The following ADAMTSL1 variants were observed in gnomAD, a reference collection of about 807,000 sequenced individuals.
The protein encoded by ADAMTSL1 is ADAMTS-like protein 1.
ADAMTSL1 carries 126 observed loss-of-function variants against 201.8 expected under a neutral mutation model. The ratio of observed to expected loss-of-function variants is 0.62; its 90% CI spans 0.54 to 0.72. The LOEUF (loss-of-function observed/expected upper bound fraction) is 0.72, where lower values mean the gene tolerates loss of function less well. Ranked by LOEUF, ADAMTSL1 falls within the 30% of genes least tolerant of loss-of-function variation. ADAMTSL1 has a pLI of 0.00. For missense variants in ADAMTSL1, 2,679 were observed against 2,277.8 expected, an observed-to-expected ratio of 1.18 and a Z score of -3.59; for synonymous variants, 1,121 against 903.4, an observed-to-expected ratio of 1.24 and a Z score of -4.32.
At chr9:17,994,265 T>G (rs568753071) in intron 1 of ADAMTSL1, among the ~76,000 whole-genome samples, 100 of 152,288 alleles carry the variant, frequency 6.6e-4, no homozygotes, top group African/African-American at 2.4e-3. Flanking sequence ...GCACAAGGGT[T>G]GAGCTGTCGC....
chr9:18,734,463 A>G (rs1433120263), intron 15 of ADAMTSL1, among the ~76,000 whole-genome samples: 1 of 152,214 alleles, frequency 6.6e-6, no homozygotes, highest in Non-Finnish European at 1.5e-5. Context: ...ACTGGTTAAG[A>G]GAAAATCCAG....
intron 2 of ADAMTSL1, among the ~76,000 whole-genome samples, chr9:18,181,094 T>G (rs1346991138): frequency 1.3e-5 from 2 of 152,172 alleles, no homozygotes; most frequent in Non-Finnish European, 1.5e-5. Flanking sequence ...TGTAGAAAGC[T>G]GAAACTGGAT....
chr9:18,147,026 G>A (rs1003542538), intron 1 of ADAMTSL1, among the ~76,000 whole-genome samples: 1 of 151,990 alleles, frequency 6.6e-6, no homozygotes, highest in African/African-American at 2.4e-5. Context: ...ACAGGTTTTA[G>A]CATAGTTGTT....
intron 23 of ADAMTSL1, among the ~76,000 whole-genome samples, chr9:18,863,477 G>C (rs1827330547): frequency 6.6e-6 from 1 of 152,166 alleles, no homozygotes; most frequent in African/African-American, 2.4e-5. Context: ...TTTTCTTTGG[G>C]AAAATGTACA....
At chr9:18,747,107 T>C (rs1379840614) in intron 15 of ADAMTSL1, among the ~76,000 whole-genome samples, 1 of 152,220 alleles carries the variant, frequency 6.6e-6, no homozygotes. Context: ...GCCACTCAGG[T>C]CTATTAATAC....
chr9:18,182,520 C>T (rs1328225319), intron 2 of ADAMTSL1, among the ~76,000 whole-genome samples: 1 of 152,106 alleles, frequency 6.6e-6, no homozygotes, highest in Non-Finnish European at 1.5e-5. Flanking sequence ...TGTCTTGTGG[C>T]TCTGTTTATA....
rs1025537837 is a variant in ADAMTSL1 at position 18,452,577 on chromosome 9, C to A, written c.208-52252C>A. Among the ~76,000 whole-genome samples the A allele has an allele frequency of 4.6e-5, 7 of 152,180 alleles. No homozygotes were observed. The East Asian group carries it at 1.3e-3, about 29-fold the overall frequency. On this transcript the variant is annotated intron_variant, in intron 2 of 29. Coordinates refer to the ADAMTSL1 transcript ENST00000680146. ...GCATGATTCATCCTAAGTCAAATTT[C>A]TTTCTAGCTACAAGCCTATTAAACT... is the stretch of plus-strand genomic sequence containing the variant.
At chr9:18,591,244 C>A (rs1668503413) in intron 4 of ADAMTSL1, among the ~76,000 whole-genome samples, 1 of 152,126 alleles carries the variant, frequency 6.6e-6, no homozygotes, top group Non-Finnish European at 1.5e-5. Flanking sequence ...CATCCTCTTG[C>A]TGAATTAACT....
intron 2 of ADAMTSL1, among the ~76,000 whole-genome samples, chr9:18,280,162 A>G (rs983272113): frequency 1.3e-5 from 2 of 151,614 alleles, no homozygotes; most frequent in Non-Finnish European, 2.9e-5. Context: ...TGGAAAATGT[A>G]TCTGAGGTGG....
intron 2 of ADAMTSL1, among the ~76,000 whole-genome samples, chr9:18,209,496 CTG>C (rs1234388956): frequency 1.3e-5 from 2 of 152,136 alleles, no homozygotes; most frequent in African/African-American, 4.8e-5. Context: ...TGCCTAAACT[CTG>C]TGTCTAGATT....
intron 1 of ADAMTSL1, among the ~76,000 whole-genome samples, chr9:18,118,888 G>A (rs1157784023): frequency 6.6e-6 from 1 of 152,130 alleles, no homozygotes; most frequent in Non-Finnish European, 1.5e-5. Context: ...ATACCGCAAA[G>A]CATGTGATTT....
rs73414863 is a variant in ADAMTSL1, at chr9:17,921,516, C to A, written c.87+14594C>A. Among the ~76,000 whole-genome samples the A allele has an allele frequency of 7.3e-3, 1,113 of 152,238 alleles. 9 individuals are homozygous for A. The highest frequency in any genetic ancestry group is 0.025 in the African/African-American group (1,045 of 41,528). On this transcript the variant is annotated intron_variant, in intron 1 of 29. Coordinates refer to the ADAMTSL1 transcript ENST00000680146. The stretch of plus-strand genomic sequence containing the variant: ...TTGGGAGAGAAAATATGGTGTTCAA[C>A]CTGCCATGTTAACTGGAAGTTAGCA...
intron 5 of ADAMTSL1, among the ~76,000 whole-genome samples, chr9:18,627,364 A>G (rs2132711022): frequency 6.6e-6 from 1 of 152,312 alleles, no homozygotes. Flanking sequence ...AATGGCTAAT[A>G]ATGTTAACAT....
chr9:18,224,194 T>A (rs1419013214), intron 2 of ADAMTSL1, among the ~76,000 whole-genome samples: 1 of 152,068 alleles, frequency 6.6e-6, no homozygotes, highest in African/African-American at 2.4e-5. Flanking sequence ...GAGTAATTTA[T>A]AAAGAACAGA....
At chr9:18,192,111 T>C (rs1587276333) in intron 2 of ADAMTSL1, among the ~76,000 whole-genome samples, 1 of 152,154 alleles carries the variant, frequency 6.6e-6, no homozygotes, top group African/African-American at 2.4e-5. Flanking sequence ...ATTAATTAAG[T>C]CCATTTAACT....
intron 1 of ADAMTSL1, among the ~76,000 whole-genome samples, chr9:17,926,374 C>A (rs1826530531): frequency 6.6e-6 from 1 of 152,140 alleles, no homozygotes; most frequent in African/African-American, 2.4e-5. Flanking sequence ...TGGTTTAACA[C>A]CACCAAGGTT....
chr9:18,212,087 C>T (rs1169809381), intron 2 of ADAMTSL1, among the ~76,000 whole-genome samples: 1 of 152,138 alleles, frequency 6.6e-6, no homozygotes, highest in Admixed American at 6.6e-5. Context: ...CAGATTTAGG[C>T]ACCAGAAAAA....
intron 2 of ADAMTSL1, among the ~76,000 whole-genome samples, chr9:18,446,150 A>G (rs540865846): frequency 6.6e-6 from 1 of 152,188 alleles, no homozygotes; most frequent in African/African-American, 2.4e-5. Context: ...AGGTAGAGGT[A>G]TAAATGTCTT....
chr9:18,892,413 CTGTACCCGG>C lies in ADAMTSL1; in HGVS notation c.4669_4677del (p.Cys1557_Arg1559del), dbSNP rs1563895099. ...GGTGGATGGTGACCTCCTGGTCTGC[CTGTACCCGG>C]AGCTGTGGGGGAGGTGTCCAGACCC... On this transcript the variant is annotated inframe_deletion, in exon 26 of 29. Transcript: ENST00000380548. 1 of 1,613,402 alleles carries C rather than the reference CTGTACCCGG, an allele frequency of 6.2e-7. No homozygotes were observed. The highest frequency in any genetic ancestry group is 2.2e-5 in the East Asian group (1 of 44,874).
Sources: gnomAD v4.1 joint callset for allele counts (sites outside exome capture counted in the v4.1 genomes callset) on GRCh38, gnomAD v4.1.1 for gene constraint, MANE v1.5 for transcripts, NCBI Gene and HGNC (gene_info 2026-07-23, HGNC 2026-07-21) for gene names.